MACF1: variants seen among roughly 807,000 people sequenced by gnomAD.
MACF1 encodes the protein microtubule-actin cross-linking factor 1.
Under a neutral mutation model 854.8 loss-of-function variants are expected in MACF1, and 193 were observed. The observed-to-expected ratio is 0.23, with a 90% CI of 0.20 to 0.25. MACF1 has a LOEUF of 0.25. MACF1 is among the 10% of genes least tolerant of loss of function. The pLI is 1.00. For missense variants in MACF1, 7,722 were observed against 8,929.1 expected (o/e 0.86, Z 5.45); for synonymous variants, 3,185 against 3,226.7 (o/e 0.99, Z 0.44).
chr1:39,132,679 TA>T (rs993646889), intron 2 of MACF1, among the ~76,000 whole-genome samples: 23 of 152,130 alleles, frequency 1.5e-4, no homozygotes, highest in Non-Finnish European at 2.6e-4. Context: ...AAGAAATGGA[TA>T]TTTTTTTTCA....
chr1:39,113,110 C>T (rs2148146800), intron 2 of MACF1, among the ~76,000 whole-genome samples: 1 of 152,274 alleles, frequency 6.6e-6, no homozygotes, highest in African/African-American at 2.4e-5. Context: ...CTGCCCATCA[C>T]ATAAAACTCA....
chr1:39,192,474 T>C (rs1486896090), intron 2 of MACF1, among the ~76,000 whole-genome samples: 2 of 152,214 alleles, frequency 1.3e-5, no homozygotes, highest in Non-Finnish European at 2.9e-5. Flanking sequence ...CAACCAACTT[T>C]ATGGTGATAA....
In MACF1 at chr1:39,297,664, C is replaced by T. The variant is rs898846800; in HGVS notation, c.2400C>T (p.Leu800=). The T allele has an allele frequency of 3.1e-6, 5 of 1,614,022 alleles. No homozygotes were observed. The highest frequency in any genetic ancestry group is 3.4e-6 in the Non-Finnish European group (4 of 1,180,024). The part of the protein sequence containing the change: ...ARELESFLRN[L]QDSIKRKYSC... The stretch of plus-strand genomic sequence containing the variant: ...AGCTGGAGTCATTCTTGAGGAACCT[C>T]CAAGATTCCATTAAACGAAAATATT... Residue 800 remains leucine, a synonymous_variant, in exon 21 of 101, where the codon CTC becomes CTT. Transcript: ENST00000564288.
chr1:39,404,204 GT>G (rs34553201), intron 58 of MACF1, among the ~76,000 whole-genome samples: 1 of 149,296 alleles, frequency 6.7e-6, no homozygotes. Flanking sequence ...GAATAAAACG[GT>G]TTTTTTTTGC....
chr1:39,454,250 C>G (rs1570138940), intron 88 of MACF1, among the ~76,000 whole-genome samples: 1 of 152,164 alleles, frequency 6.6e-6, no homozygotes, highest in Non-Finnish European at 1.5e-5. Context: ...ATAGAAAATA[C>G]AGTATTCACG....
chr1:39,455,953 A>C (rs1644428390), intron 89 of MACF1, among the ~76,000 whole-genome samples: 1 of 152,242 alleles, frequency 6.6e-6, no homozygotes, highest in Non-Finnish European at 1.5e-5. Flanking sequence ...TTACCCCAGC[A>C]AGTGAGAACT....
intron 6 of MACF1, chr1:39,269,444 G>C: frequency 7.8e-7 from 1 of 1,289,808 alleles, no homozygotes; most frequent in Non-Finnish European, 1.0e-6. Flanking sequence ...CATTACTACT[G>C]GACCAGCCTG....
At chr1:39,415,432 T>C (rs1643257178) in intron 58 of MACF1, among the ~76,000 whole-genome samples, 1 of 150,702 alleles carries the variant, frequency 6.6e-6, no homozygotes, top group African/African-American at 2.4e-5. Flanking sequence ...ACCTCCCGGG[T>C]TCACGCCATT....
Position 39,335,534 on chromosome 1 carries a change from A to G in MACF1, c.8946A>G (p.Val2982=). The change falls in exon 37 of 101, where the codon GTA becomes GTG. Residue 2982 remains valine (V), a synonymous_variant. Coordinates refer to ENST00000564288, the MANE Select transcript of MACF1 (RefSeq NM_001394062.1). ...AGAGAGAGAAGAGGGAGGTGATTGT[A>G]GAAGAAAGTATCAGAACATGCAAAC... ...KSKREKREVI[V]EESIRTCKPA... 6.2e-7 allele frequency: 1 copy of G among 1,614,220 alleles called. No individual in the cohort carries two copies. Among genetic ancestry groups the G allele is most frequent in the Non-Finnish European group, 8.5e-7 (1 of 1,180,018 alleles).
intron 58 of MACF1, chr1:39,410,939 G>T: frequency 6.2e-7 from 1 of 1,613,988 alleles, no homozygotes; most frequent in South Asian, 1.1e-5. Flanking sequence ...CAGCAGCACA[G>T]TGCAAACCCT....
chr1:39,340,698 A>T lies in MACF1; in HGVS notation c.10412A>T (p.Asn3471Ile). Residue 3471 changes from asparagine (N) to isoleucine (I), a missense_variant, in exon 39 of 101, where the codon AAT becomes ATT. By Grantham distance (149) the Asn-to-Ile change is moderately radical (BLOSUM62 -3). Coordinates refer to ENST00000564288, the MANE Select transcript of MACF1 (RefSeq NM_001394062.1). ...AATTCCAGGCTACTCCACTTCCAGA[A>T]TGCTGTGGAAATAGAAAAGGTAGCA... ...TWNSRLLHFQ[N>I]AVEIEKTKVL... 1 of 1,614,128 alleles carries T rather than the reference A, an allele frequency of 6.2e-7. No individual in the cohort carries two copies. The highest frequency in any genetic ancestry group is 8.5e-7 in the Non-Finnish European group (1 of 1,179,994).
At chr1:39,456,688 T>A (rs1223146018) in intron 89 of MACF1, 4 of 152,316 alleles carry the variant, frequency 2.6e-5, no homozygotes, top group Non-Finnish European at 1.5e-5. Flanking sequence ...TCTCCCTGTT[T>A]ATTCTTTTCT....
intron 2 of MACF1, among the ~76,000 whole-genome samples, chr1:39,193,924 A>G (rs901562363): frequency 2.0e-5 from 3 of 151,480 alleles, no homozygotes; most frequent in Non-Finnish European, 4.4e-5. Context: ...GCTCACTGCA[A>G]CCTCCACTTC....
rs1311639207 is a variant in MACF1, at chr1:39,480,946, T to C, written c.22197T>C (p.Tyr7399=). The C allele has an allele frequency of 1.2e-5, 19 of 1,550,716 alleles. No individual in the cohort carries two copies. The highest frequency in any genetic ancestry group is 1.7e-4 in the Middle Eastern group (1 of 6,018). Residue 7399 remains tyrosine (Y), a synonymous_variant, in exon 99 of 101, where the codon TAT becomes TAC. Coordinates refer to ENST00000564288, the MANE Select transcript of MACF1 (RefSeq NM_001394062.1). ...CTTCACTTCAGTTCTCTCGCTGTTATGACAAACCCTGGTTGGTAAACAGTA... is the reference window on the plus strand; with the variant it reads ...CTTCACTTCAGTTCTCTCGCTGTTACGACAAACCCTGGTTGGTAAACAGTA... ...TKTSLQFSRC[Y]DKPWLVNSKA...
chr1:39,315,734 T>C (rs767850368), intron 27 of MACF1, 43 bp downstream of exon 27: 114 of 1,590,500 alleles, frequency 7.2e-5, no homozygotes, highest in Non-Finnish European at 9.5e-5. Context: ...ATATTTTCCA[T>C]TGGGATAAGA....
chr1:39,382,564 C>T (rs1375087319), intron 56 of MACF1, among the ~76,000 whole-genome samples: 1 of 151,440 alleles, frequency 6.6e-6, no homozygotes, highest in East Asian at 1.9e-4. Context: ...ATTAGCCAGG[C>T]GTGGTGGCAT....
intron 60 of MACF1, among the ~76,000 whole-genome samples, chr1:39,423,673 A>T (rs1020452646): frequency 4.6e-5 from 7 of 151,338 alleles, no homozygotes; most frequent in African/African-American, 1.7e-4. Flanking sequence ...ATACAATGTG[A>T]TGGTTTGATA....
chr1:39,361,089 C>T, intron 48 of MACF1, 88 bp downstream of exon 48: 1 of 1,091,524 alleles, frequency 9.2e-7, no homozygotes, highest in African/African-American at 1.6e-5. Flanking sequence ...CAAGAGGGAA[C>T]CTAATATCTG....
chr1:39,442,847 G>A lies in MACF1; in HGVS notation c.19238G>A (p.Cys6413Tyr), dbSNP rs140057477. The change falls in exon 78 of 101, where the codon TGC becomes TAC. Residue 6413 changes from cysteine to tyrosine, a missense_variant. Physicochemically the swap from Cys to Tyr is radical, Grantham distance 194 (BLOSUM62 -2). Coordinates refer to ENST00000564288, the MANE Select transcript of MACF1 (RefSeq NM_001394062.1). ...LRSRLEAMNQ[C>Y]WESVLQKTEE... ...AGCCGTTTGGAAGCCATGAACCAAT[G>A]CTGGGAGTCAGTGTTACAGAAAACA... is the stretch of plus-strand genomic sequence containing the variant. The A allele has an allele frequency of 2.5e-5, 40 of 1,614,070 alleles. No individual in the cohort carries two copies. The highest frequency in any genetic ancestry group is 3.1e-5 in the Non-Finnish European group (36 of 1,179,956).
Sources: allele counts gnomAD v4.1 joint callset (sites outside exome capture counted in the v4.1 genomes callset), GRCh38; gene constraint gnomAD v4.1.1; transcripts MANE v1.5; gene names NCBI Gene and HGNC (gene_info 2026-07-23, HGNC 2026-07-21).